Variants in UFD1 observed in about 807,000 individuals in gnomAD.
UFD1 encodes ubiquitin recognition factor in ER associated degradation 1, also known as ubiquitin recognition factor in ER-associated degradation protein 1.
UFD1 carries 13 observed loss-of-function variants against 45.9 expected under a neutral mutation model. The observed-to-expected ratio is 0.28, with a 90% CI of 0.18 to 0.45. UFD1 has a LOEUF of 0.45. Ranked by LOEUF, UFD1 falls within the 20% of genes least tolerant of loss-of-function variation. UFD1 has a pLI of 1.00. For missense variants in UFD1, 218 were observed against 389.2 expected, an observed-to-expected ratio of 0.56 and a Z score of 3.70; for synonymous variants, 128 against 139.2, an observed-to-expected ratio of 0.92 and a Z score of 0.56.
intron 3 of UFD1, among the ~76,000 whole-genome samples, chr22:19,473,597 T>G (rs2089861154): frequency 6.6e-6 from 1 of 152,186 alleles, no homozygotes; most frequent in African/African-American, 2.4e-5. Flanking sequence ...AACTGTGAAC[T>G]CCATAGCTCT....
intron 7 of UFD1, among the ~76,000 whole-genome samples, chr22:19,457,668 G>A (rs909327852): frequency 2.0e-5 from 3 of 152,040 alleles, no homozygotes; most frequent in Non-Finnish European, 2.9e-5. Context: ...AAAACTAGCC[G>A]GGCCTGGTGG....
chr22:19,451,374 A>AT, intron 11 of UFD1: 6 of 985,100 alleles, frequency 6.1e-6, no homozygotes, highest in Non-Finnish European at 7.2e-6. Flanking sequence ...CACAACTCTG[A>AT]TTTTTTTTAG....
rs113353205 is a variant in UFD1, at chr22:19,451,762, C to T, written c.850-1018G>A. ...TTCCTTTGCCGCACAGCCTTCCATT[C>T]ATCCTGGTGTCAATAGCTGTGTTTG... On this transcript the variant is annotated intron_variant, in intron 11 of 11. Transcript: ENST00000263202. 120 of 985,478 alleles carry T rather than the reference C, an allele frequency of 1.2e-4. 1 individual carries two copies. In the African/African-American group the frequency reaches 1.9e-3, roughly 15 times the overall value. The allele number at this position is 985,478 out of a possible 1,614,324, so 61.0% of individuals were successfully genotyped here. A position where few individuals can be genotyped will look rare whatever the true frequency, so the allele number is the denominator to read the frequency against.
In UFD1 at chr22:19,467,844, G is replaced by C. The variant is rs765873846; in HGVS notation, c.422+29C>G. On this transcript the variant is annotated intron_variant, in intron 5 of 11. Coordinates refer to ENST00000263202, the MANE Select transcript of UFD1 (RefSeq NM_005659.7). ...CCGCCAGCACACTCTCCTTTGTCTA[G>C]AAGAACTCCGCTTATTTGAAAAAGA... is the stretch of plus-strand genomic sequence containing the variant. 9.3e-6 allele frequency: 15 copies of C among 1,612,582 alleles called. No individual in the cohort carries two copies. The South Asian group carries it at 1.4e-4, about 15-fold the overall frequency.
chr22:19,458,848 T>C (rs1457857647), intron 6 of UFD1, among the ~76,000 whole-genome samples: 1 of 152,234 alleles, frequency 6.6e-6, no homozygotes, highest in Non-Finnish European at 1.5e-5. Context: ...CCTTGACTTA[T>C]GATGGAACCA....
intron 11 of UFD1, chr22:19,453,903 G>A: frequency 4.1e-6 from 4 of 985,510 alleles, no homozygotes; most frequent in Non-Finnish European, 4.8e-6. Flanking sequence ...AAGGAACCAG[G>A]AGAGCGATGG....
chr22:19,470,162 G>C (rs887505899), intron 4 of UFD1: 24 of 442,994 alleles, frequency 5.4e-5, no homozygotes, highest in African/African-American at 3.6e-4. Context: ...GCAAATACTG[G>C]GGAGGGCAGG....
intron 6 of UFD1, among the ~76,000 whole-genome samples, chr22:19,463,136 A>C (rs946302401): frequency 3.3e-5 from 5 of 152,214 alleles, no homozygotes; most frequent in African/African-American, 1.2e-4. Context: ...ACCAATTCTA[A>C]ATCAATTTCA....
At chr22:19,453,515 C>A in intron 11 of UFD1, 1 of 985,482 alleles carries the variant, frequency 1.0e-6, no homozygotes, top group South Asian at 4.7e-5. Context: ...TGGGGGACGT[C>A]CCATGCTAAG....
intron 4 of UFD1, 140 bp downstream of exon 4, chr22:19,471,547 C>T: frequency 3.1e-6 from 4 of 1,301,890 alleles, no homozygotes; most frequent in Non-Finnish European, 4.2e-6. Flanking sequence ...GATCCCTTCT[C>T]TCTCGCTGGG....
intron 7 of UFD1, among the ~76,000 whole-genome samples, chr22:19,457,731 A>C (rs1330379446): frequency 6.6e-6 from 1 of 152,158 alleles, no homozygotes; most frequent in East Asian, 1.9e-4. Flanking sequence ...GAATCGCTTG[A>C]ACCTGGGAGG....
chr22:19,465,876 T>A (rs2089798250), intron 5 of UFD1: 1 of 152,254 alleles, frequency 6.6e-6, no homozygotes, highest in African/African-American at 2.4e-5. Context: ...ATAACTTTAG[T>A]TAATAGAAAT....
rs371868829 is a variant in UFD1 at position 19,456,842 on chromosome 22, A to G, written c.630+11T>C. 6.2e-7 allele frequency: 1 copy of G among 1,614,036 alleles called. No individual in the cohort carries two copies. Among genetic ancestry groups the G allele is most frequent in the African/African-American group, 1.3e-5 (1 of 74,936 alleles). ...AGCAGGACAGCAAAGGACACTGAGG[A>G]TAACACTTACTGTCGACTCCTCATG... On this transcript the variant is annotated intron_variant, in intron 8 of 11. Transcript: ENST00000263202.
At chr22:19,459,383 GGA>G (rs1246787158) in intron 6 of UFD1, among the ~76,000 whole-genome samples, 1 of 152,230 alleles carries the variant, frequency 6.6e-6, no homozygotes, top group East Asian at 1.9e-4. Flanking sequence ...GGGAGGCCGA[GGA>G]GGGCAGATCA....
chr22:19,453,520 G>A (rs2089698951), intron 11 of UFD1: 1 of 985,514 alleles, frequency 1.0e-6, no homozygotes, highest in South Asian at 4.7e-5. Flanking sequence ...GACGTCCCAT[G>A]CTAAGGTCTT....
chr22:19,459,778 A>C (rs1002044341), intron 6 of UFD1, among the ~76,000 whole-genome samples: 1 of 125,866 alleles, frequency 7.9e-6, no homozygotes. Flanking sequence ...TCGCTCTGGC[A>C]CCCAAGCTGG....
chr22:19,465,513 A>T, intron 5 of UFD1: 1 of 480,204 alleles, frequency 2.1e-6, no homozygotes, highest in Non-Finnish European at 3.8e-6. Flanking sequence ...AAGGGGAAAT[A>T]ACCAACCACA....
intron 3 of UFD1, among the ~76,000 whole-genome samples, chr22:19,473,462 A>G (rs2089860110): frequency 6.6e-6 from 1 of 152,200 alleles, no homozygotes; most frequent in Non-Finnish European, 1.5e-5. Flanking sequence ...CCAGCCCCTG[A>G]GTCTCTTCTG....
intron 11 of UFD1, chr22:19,451,526 T>C: frequency 2.0e-6 from 2 of 985,454 alleles, no homozygotes; most frequent in Non-Finnish European, 2.4e-6. Flanking sequence ...CTTTGAAAAC[T>C]GCACATATTT....
Sources: gnomAD v4.1 joint callset for allele counts (sites outside exome capture counted in the v4.1 genomes callset) on GRCh38, gnomAD v4.1.1 for gene constraint, MANE v1.5 for transcripts, NCBI Gene and HGNC (gene_info 2026-07-23, HGNC 2026-07-21) for gene names.